The following ZNF726 variants were observed in gnomAD, a reference collection of about 807,000 sequenced individuals.
The protein encoded by ZNF726 is zinc finger protein 726, also known as zinc finger protein 92 pseudogene 3.
Under a neutral mutation model 11.6 loss-of-function variants are expected in ZNF726, and 15 were observed. The ratio of observed to expected loss-of-function variants is 1.29; its 90% CI spans 0.86 to 1.99. ZNF726 has a LOEUF of 1.99. ZNF726 is among the 30% of genes most tolerant of loss of function. The pLI is 0.00. For synonymous variants in ZNF726, 295 were observed against 243.6 expected, an observed-to-expected ratio of 1.21 and a Z score of -1.96; for missense variants, 890 against 725.6, an observed-to-expected ratio of 1.23 and a Z score of -2.60.
chr19:23,923,267 A>G (rs966826371), intron 3 of ZNF726, among the ~76,000 whole-genome samples: 3 of 152,122 alleles, frequency 2.0e-5, no homozygotes, highest in Admixed American at 2.0e-4. Context: ...TTTTGTGTAA[A>G]AATAGCATAT....
At chr19:23,917,080 A>T (rs780921199) in intron 1 of ZNF726, among the ~76,000 whole-genome samples, 5 of 152,208 alleles carry the variant, frequency 3.3e-5, no homozygotes, top group Admixed American at 2.0e-4. Flanking sequence ...TCTCCCAAGT[A>T]GGTGGGATTA....
In ZNF726 at chr19:23,933,861, C is replaced by G; in HGVS notation, c.1745C>G (p.Thr582Arg). ...TTTAATCGATCCTCAAATCTTAGTACGCATAAGATAATTCATACTGGAGAG... is the reference window on the plus strand; with the variant it reads ...TTTAATCGATCCTCAAATCTTAGTAGGCATAAGATAATTCATACTGGAGAG... The part of the protein sequence containing the change: ...KAFNRSSNLS[T>R]HKIIHTGEKP... The change falls in exon 4 of 4, where the codon ACG (threonine) becomes AGG (arginine). Residue 582 changes from threonine to arginine, a missense_variant. Coordinates refer to ENST00000594466, the MANE Select transcript of ZNF726 (RefSeq NM_001244038.2). The G allele has an allele frequency of 6.3e-7, 1 of 1,589,914 alleles. No individual in the cohort carries two copies. Among genetic ancestry groups the G allele is most frequent in the Non-Finnish European group, 8.6e-7 (1 of 1,168,978 alleles).
intron 3 of ZNF726, chr19:23,927,945 T>G (rs1968023849): frequency 6.6e-6 from 1 of 152,228 alleles, no homozygotes; most frequent in East Asian, 1.9e-4. Flanking sequence ...CCTCCAAACC[T>G]TATGATTAAA....
chr19:23,935,051 C>G (rs1028981600), downstream of ZNF726, among the ~76,000 whole-genome samples: 9 of 152,210 alleles, frequency 5.9e-5, no homozygotes, highest in African/African-American at 2.2e-4. Context: ...CTATAGAAGT[C>G]TCAGAATCAT....
chr19:23,920,216 A>G (rs1331985336), intron 3 of ZNF726, 134 bp downstream of exon 3: 4 of 498,088 alleles, frequency 8.0e-6, no homozygotes, highest in East Asian at 4.7e-5. Context: ...TTAAAAAAAA[A>G]TATACTCTCA....
chr19:23,916,115 T>G (rs558405293), intron 1 of ZNF726, among the ~76,000 whole-genome samples: 1 of 152,284 alleles, frequency 6.6e-6, no homozygotes, highest in Non-Finnish European at 1.5e-5. Context: ...CACAGGGGAC[T>G]GATTTTTTCC....
intron 3 of ZNF726, chr19:23,928,058 G>A (rs1434681487): frequency 1.3e-5 from 2 of 152,146 alleles, no homozygotes; most frequent in African/African-American, 2.4e-5. Flanking sequence ...TAATGAAAAT[G>A]TTTATACTCC....
At chr19:23,915,075 TCAGGCC>T in intron 1 of ZNF726, 78 bp downstream of exon 1, 1 of 1,602,640 alleles carries the variant, frequency 6.2e-7, no homozygotes, top group South Asian at 1.1e-5. Flanking sequence ...GTGGCGGGAC[TCAGGCC>T]TCCTCGCTGT....
downstream of ZNF726, among the ~76,000 whole-genome samples, chr19:23,939,137 C>A (rs79991443): frequency 6.6e-6 from 1 of 151,450 alleles, no homozygotes; most frequent in East Asian, 1.9e-4. Flanking sequence ...TCTTCCCCCC[C>A]AAGTCTCCAA....
chr19:23,929,909 T>C (rs557533473), intron 3 of ZNF726, among the ~76,000 whole-genome samples: 8 of 152,292 alleles, frequency 5.3e-5, no homozygotes, highest in South Asian at 2.1e-4. Context: ...CTTTATTTTA[T>C]ATATGGTTTT....
downstream of ZNF726, among the ~76,000 whole-genome samples, chr19:23,939,112 C>A (rs898327095): frequency 7.3e-5 from 11 of 151,288 alleles, no homozygotes; most frequent in African/African-American, 2.2e-4. Flanking sequence ...GTCTTTTATC[C>A]CTCCCCCTTC....
At chr19:23,930,663 G>T (rs1419855898) in intron 3 of ZNF726, among the ~76,000 whole-genome samples, 6 of 152,014 alleles carry the variant, frequency 3.9e-5, no homozygotes, top group Non-Finnish European at 7.4e-5. Context: ...TTCTAATCCT[G>T]TGTAGATGTG....
downstream of ZNF726, among the ~76,000 whole-genome samples, chr19:23,936,973 T>G (rs951879378): frequency 6.6e-6 from 1 of 151,856 alleles, no homozygotes; most frequent in Admixed American, 6.6e-5. Flanking sequence ...AGCTGTTGGG[T>G]ACACCTCCCA....
chr19:23,936,987 G>C (rs964187555), downstream of ZNF726, among the ~76,000 whole-genome samples: 1 of 151,962 alleles, frequency 6.6e-6, no homozygotes, highest in African/African-American at 2.4e-5. Flanking sequence ...CCTCCCAGAC[G>C]GGGTGGTGGC....
At chr19:23,931,734 T>C (rs1465068738) in intron 3 of ZNF726, among the ~76,000 whole-genome samples, 1 of 152,220 alleles carries the variant, frequency 6.6e-6, no homozygotes, top group Admixed American at 6.5e-5. Context: ...GTTCAGTTTT[T>C]AGTTAAGAGA....
chr19:23,937,094 C>A (rs977447023), downstream of ZNF726, among the ~76,000 whole-genome samples: 7 of 148,986 alleles, frequency 4.7e-5, no homozygotes, highest in African/African-American at 1.5e-4. Flanking sequence ...GGGCTGACCC[C>A]CCCCACCTCC....
intron 3 of ZNF726, among the ~76,000 whole-genome samples, chr19:23,942,530 A>G (rs181860888): frequency 9.9e-5 from 15 of 152,250 alleles, no homozygotes; most frequent in Middle Eastern, 3.4e-3. Flanking sequence ...TTCTGTCTTA[A>G]TGATCTGTCT....
Position 23,933,682 on chromosome 19 carries a change from G to C in ZNF726, c.1566G>C (p.Ser522=). 6.3e-7 allele frequency: 1 copy of C among 1,589,662 alleles called. No individual in the cohort carries two copies. Among genetic ancestry groups the C allele is most frequent in the Non-Finnish European group, 8.5e-7 (1 of 1,171,354 alleles). Residue 522 remains serine (S), a synonymous_variant, in exon 4 of 4, where the codon TCG becomes TCC. Transcript: ENST00000594466. ...EECGKAFILS[S]TLSKHKRIHT... is the part of the protein sequence containing the mutation. ...GTGGCAAAGCATTTATATTGTCCTC[G>C]ACCCTATCTAAACATAAGAGGATTC...
intron 3 of ZNF726, chr19:23,923,873 T>C (rs1477868589): frequency 6.6e-6 from 1 of 152,626 alleles, no homozygotes; most frequent in African/African-American, 2.4e-5. Flanking sequence ...TTATTGTGCC[T>C]ATTGGTTTTT....
Sources: gnomAD v4.1 joint callset for allele counts (sites outside exome capture counted in the v4.1 genomes callset) on GRCh38, gnomAD v4.1.1 for gene constraint, MANE v1.5 for transcripts, NCBI Gene and HGNC (gene_info 2026-07-23, HGNC 2026-07-21) for gene names.